Variants in HAL observed in about 807,000 individuals in gnomAD.
HAL encodes the protein histidase.
A neutral mutation model predicts 81.1 loss-of-function variants in HAL; 85 were observed. The observed-to-expected ratio is 1.05, with a 90% CI of 0.88 to 1.25. The LOEUF (loss-of-function observed/expected upper bound fraction) is 1.25, where lower values mean the gene tolerates loss of function less well. Ranked by LOEUF, HAL falls within the 50% of genes most tolerant of loss-of-function variation. The pLI, the probability that HAL is intolerant of heterozygous loss-of-function variation, is 0.00. For synonymous variants in HAL, 301 were observed against 309.2 expected, an observed-to-expected ratio of 0.97 and a Z score of 0.28; for missense variants, 798 against 836.6, an observed-to-expected ratio of 0.95 and a Z score of 0.57.
rs1229508870 is a variant in HAL, at chr12:95,973,708, C to T, written c.*524G>A. ...TCCAATTAATAGAAGAAAAAAGCAG[C>T]TTAAGGACAAATTATGACTTAAAAT... is the stretch of plus-strand genomic sequence containing the variant. On this transcript the variant is annotated 3_prime_UTR_variant, in exon 21 of 21. Coordinates refer to ENST00000261208, the MANE Select transcript of HAL (RefSeq NM_002108.4). 1 of 156,744 alleles carries T rather than the reference C, an allele frequency of 6.4e-6. No homozygotes were observed. Among genetic ancestry groups the T allele is most frequent in the African/African-American group, 2.4e-5 (1 of 41,156 alleles). The allele number at this position is 156,744 out of a possible 1,614,324, so 9.7% of individuals were successfully genotyped here.
At chr12:95,984,621 G>A (rs1299225641) in intron 14 of HAL, among the ~76,000 whole-genome samples, 3 of 152,246 alleles carry the variant, frequency 2.0e-5, no homozygotes, top group Non-Finnish European at 2.9e-5. Flanking sequence ...CTGTGTGATC[G>A]TGGGCAAGAT....
At chr12:95,977,178 C>T (rs1020046501) in intron 18 of HAL, among the ~76,000 whole-genome samples, 5 of 151,998 alleles carry the variant, frequency 3.3e-5, no homozygotes, top group East Asian at 1.9e-4. Context: ...ATATGAATTG[C>T]GGGGTGGGGA....
chr12:95,995,551 C>T, intron 2 of HAL, 113 bp downstream of exon 2: 1 of 1,468,766 alleles, frequency 6.8e-7, no homozygotes, highest in Admixed American at 1.7e-5. Flanking sequence ...CAGGGCCAGC[C>T]TCGGCAAGCC....
intron 6 of HAL, 27 bp from the exon 7 acceptor site, chr12:95,993,865 T>TTA: frequency 2.0e-6 from 3 of 1,490,744 alleles, no homozygotes; most frequent in Non-Finnish European, 2.8e-6. Context: ...CATTATGCAA[T>TTA]TAAATGCAGG....
In HAL at chr12:95,995,807, T is replaced by C. The variant is rs764715928; in HGVS notation, c.104A>G (p.Tyr35Cys). ...GWLGREAVRR[Y>C]IKNKPDNGGF... ...ACCATTGTCGGGCTTATTCTTGATA[T>C]AGCGCCTCACGGCCTCCCGGCCCAG... The change falls in exon 2 of 21, where the codon TAT becomes TGT. Residue 35 changes from tyrosine (Y) to cysteine (C), a missense_variant. Physicochemically the swap from Tyr to Cys is radical, Grantham distance 194 (BLOSUM62 -2). Coordinates refer to ENST00000261208, the MANE Select transcript of HAL (RefSeq NM_002108.4). The C allele has an allele frequency of 6.8e-6, 11 of 1,612,984 alleles. No homozygotes were observed. Among genetic ancestry groups the C allele is most frequent in the South Asian group, 1.1e-5 (1 of 91,090 alleles).
At position 95,974,134 on chromosome 12, in the gene HAL, T is replaced by G; in HGVS notation, c.*98A>C. The stretch of plus-strand genomic sequence containing the variant: ...AGAAGAACTGAATGATACAATGGAT[T>G]GATCTACCTAGGAAAGTTCTCAGGT... On this transcript the variant is annotated 3_prime_UTR_variant, in exon 21 of 21. Coordinates refer to ENST00000261208, the MANE Select transcript of HAL (RefSeq NM_002108.4). 8 of 1,017,702 alleles carry G rather than the reference T, an allele frequency of 7.9e-6. No individual in the cohort carries two copies. The highest frequency in any genetic ancestry group is 1.3e-5 in the South Asian group (1 of 79,030). The allele number at this position is 1,017,702 out of a possible 1,614,324, so 63.0% of individuals were successfully genotyped here.
rs201632329 is a variant in HAL at position 95,976,607 on chromosome 12, G to A, written c.1754C>T (p.Ser585Phe). The A allele has an allele frequency of 1.9e-6, 3 of 1,605,658 alleles. No homozygotes were observed. The highest frequency in any genetic ancestry group is 2.6e-6 in the Non-Finnish European group (3 of 1,172,242). The change falls in exon 19 of 21, where the codon TCT becomes TTT. Residue 585 changes from serine to phenylalanine, a missense_variant. Ser to Phe is a radical substitution (Grantham distance 155). Coordinates refer to ENST00000261208, the MANE Select transcript of HAL (RefSeq NM_002108.4). Reference protein sequence around the residue: ...PLEKVYDLVRSVVRPWIKDRF... With the variant: ...PLEKVYDLVRFVVRPWIKDRF... ...ACCTGTTTGATCTTACCTTACAACA[G>A]AGCGCACCAGGTCATAGACCTTCTC...
chr12:95,994,718 CAGA>C, intron 4 of HAL, 77 bp downstream of exon 4: 3 of 1,368,880 alleles, frequency 2.2e-6, no homozygotes, highest in South Asian at 1.2e-5. Flanking sequence ...AGTGTTTTCT[CAGA>C]AGTTTTCCTG....
intron 20 of HAL, among the ~76,000 whole-genome samples, chr12:95,975,809 G>A (rs1445543219): frequency 1.3e-5 from 2 of 152,124 alleles, no homozygotes; most frequent in East Asian, 1.9e-4. Context: ...GAAATCAAGC[G>A]ATTCTAGGGA....
intron 9 of HAL, among the ~76,000 whole-genome samples, chr12:95,991,250 T>G (rs775955409): frequency 2.1e-4 from 32 of 152,220 alleles, no homozygotes; most frequent in African/African-American, 6.3e-4. Context: ...CTAGCTGTTT[T>G]TTTTTGTTTT....
chr12:95,977,824 G>T, intron 18 of HAL, 120 bp downstream of exon 18: 1 of 1,050,234 alleles, frequency 9.5e-7, no homozygotes, highest in Non-Finnish European at 1.5e-6. Context: ...AGGCCTGAGA[G>T]TCTGCCTTCC....
In HAL at chr12:95,989,389, C is replaced by A. The variant is rs11108367; in HGVS notation, c.855+1004G>T. Among the ~76,000 whole-genome samples the A allele has an allele frequency of 5.9e-3, 897 of 152,178 alleles. 7 individuals carry two copies. Among genetic ancestry groups the A allele is most frequent in the African/African-American group, 0.02 (837 of 41,530 alleles). On this transcript the variant is annotated intron_variant, in intron 10 of 20. Transcript: ENST00000261208. ...TAGAGGCGGAGCCTCGCTTTCTTGCCCAGGCTGGTCTTGAACTTCTGGCTT... is the reference window on the plus strand; with the variant it reads ...TAGAGGCGGAGCCTCGCTTTCTTGCACAGGCTGGTCTTGAACTTCTGGCTT...
At chr12:95,985,624 C>CAAAA (rs56285140) in intron 14 of HAL, among the ~76,000 whole-genome samples, 9 of 77,218 alleles carry the variant, frequency 1.2e-4, no homozygotes, top group African/African-American at 2.7e-4. Flanking sequence ...TTGTCTGTCT[C>CAAAA]AAAAAAAAAA....
chr12:95,994,710 T>C, intron 4 of HAL, 88 bp downstream of exon 4: 6 of 1,261,970 alleles, frequency 4.8e-6, no homozygotes, highest in Non-Finnish European at 7.0e-6. Context: ...TAATTGACAG[T>C]GTTTTCTCAG....
intron 20 of HAL, among the ~76,000 whole-genome samples, chr12:95,974,817 G>A (rs1166991181): frequency 6.6e-6 from 1 of 152,032 alleles, no homozygotes; most frequent in African/African-American, 2.4e-5. Flanking sequence ...TCAGCTCACT[G>A]CAACCTCCAC....
At chr12:95,978,542 A>G (rs1210117725) in intron 17 of HAL, among the ~76,000 whole-genome samples, 2 of 152,156 alleles carry the variant, frequency 1.3e-5, no homozygotes, top group Non-Finnish European at 2.9e-5. Context: ...AAATGGATGT[A>G]AACAGGGGCT....
rs1273272797 is a variant in HAL, at chr12:95,995,763, C to G, written c.148G>C (p.Asp50His). ...CACCGGCGCACAAGGAAGTGCGCGT[C>G]ATCCACGGAGGTGAAGCCACCATTG... is the stretch of plus-strand genomic sequence containing the variant. ...PDNGGFTSVDDAHFLVRRCKG... is the reference protein window; with the variant it reads ...PDNGGFTSVDHAHFLVRRCKG... Residue 50 changes from aspartate to histidine, a missense_variant, in exon 2 of 21, where the codon GAC (aspartate) becomes CAC (histidine). Physicochemically the swap from Asp to His is moderately conservative, Grantham distance 81 (BLOSUM62 -1). Coordinates refer to ENST00000261208, the MANE Select transcript of HAL (RefSeq NM_002108.4). 2.5e-6 allele frequency: 4 copies of G among 1,613,646 alleles called. No individual in the cohort carries two copies. Among genetic ancestry groups the G allele is most frequent in the Non-Finnish European group, 3.4e-6 (4 of 1,180,036 alleles).
chr12:95,992,675 A>G lies in HAL; in HGVS notation c.715+5T>C, dbSNP rs1949986037. On this transcript the variant is annotated splice_donor_5th_base_variant and intron_variant, in intron 9 of 20. Coordinates refer to ENST00000261208, the MANE Select transcript of HAL (RefSeq NM_002108.4). ...GAGGTTCCGTCTAGGGAGCCATTGC[A>G]TTACCATTAAACATTTCTATGACTT... 1 of 1,610,954 alleles carries G rather than the reference A, an allele frequency of 6.2e-7. No homozygotes were observed. Among genetic ancestry groups the G allele is most frequent in the Non-Finnish European group, 8.5e-7 (1 of 1,177,544 alleles).
chr12:95,983,609 A>G, intron 15 of HAL: 1 of 432,142 alleles, frequency 2.3e-6, no homozygotes. Context: ...TTTTAGGGCC[A>G]GTGTCTTCAG....
Sources: gnomAD v4.1 joint callset for allele counts (sites outside exome capture counted in the v4.1 genomes callset) on GRCh38, gnomAD v4.1.1 for gene constraint, MANE v1.5 for transcripts, NCBI Gene and HGNC (gene_info 2026-07-23, HGNC 2026-07-21) for gene names.